Variants in DNAH11 observed in about 807,000 individuals in gnomAD.
DNAH11 encodes the protein dynein axonemal heavy chain 11, also known as axonemal beta dynein heavy chain 11.
In DNAH11, 442 loss-of-function variants were observed where a neutral mutation model predicts 526.0. That is an observed-to-expected ratio of 0.84 (90% CI 0.78 to 0.91). DNAH11 has a LOEUF of 0.91. DNAH11 is among the 40% of genes least tolerant of loss of function. The pLI, the probability that DNAH11 is intolerant of heterozygous loss-of-function variation, is 0.00. For synonymous variants in DNAH11, 2,461 were observed against 1,935.9 expected (o/e 1.27, Z -7.12); for missense variants, 6,989 against 5,448.7 (o/e 1.28, Z -8.90).
At chr7:21,833,942 A>G (rs769654316) in intron 65 of DNAH11, among the ~76,000 whole-genome samples, 11 of 152,178 alleles carry the variant, frequency 7.2e-5, no homozygotes, top group Non-Finnish European at 1.2e-4. Context: ...AATGGACAGA[A>G]CATCCAGATA....
chr7:21,692,033 A>G (rs1279037673), intron 35 of DNAH11, among the ~76,000 whole-genome samples: 2 of 152,260 alleles, frequency 1.3e-5, no homozygotes, highest in Non-Finnish European at 2.9e-5. Flanking sequence ...ATGTGTTGCT[A>G]TACCTAGTAT....
chr7:21,796,743 C>T (rs1198930290), intron 61 of DNAH11, among the ~76,000 whole-genome samples: 2 of 152,176 alleles, frequency 1.3e-5, no homozygotes, highest in Non-Finnish European at 2.9e-5. Context: ...GCTTGAGTAA[C>T]ATTTTTGCCT....
chr7:21,578,957 T>C (rs1167096713), intron 8 of DNAH11, among the ~76,000 whole-genome samples: 1 of 152,144 alleles, frequency 6.6e-6, no homozygotes, highest in African/African-American at 2.4e-5. Flanking sequence ...AACCTTTGAG[T>C]CATCTGTAAT....
At chr7:21,763,357 G>GAAGAAAGA (rs1787015063) in intron 54 of DNAH11, among the ~76,000 whole-genome samples, 3 of 43,736 alleles carry the variant, frequency 6.9e-5, no homozygotes, top group Non-Finnish European at 5.1e-5. Context: ...AAAAAAAAAA[G>GAAGAAAGA]AAAAAAAAAA....
intron 63 of DNAH11, among the ~76,000 whole-genome samples, chr7:21,810,443 A>T (rs1402106491): frequency 6.6e-6 from 1 of 152,166 alleles, no homozygotes; most frequent in African/African-American, 2.4e-5. Flanking sequence ...AAATTGAAGC[A>T]CTCACACCTG....
Position 21,710,552 on chromosome 7 carries a change from G to A in DNAH11, c.6684-1G>A, listed in dbSNP as rs922866722. 6.9e-6 allele frequency: 11 copies of A among 1,603,486 alleles called. No individual in the cohort carries two copies. Among genetic ancestry groups the A allele is most frequent in the Non-Finnish European group, 8.5e-6 (10 of 1,172,940 alleles). ...CAGCACTCAACTACATTATATATTA[G>A]GATTGTTTACTCTTATTTTATAGGT... On this transcript the variant is annotated splice_acceptor_variant, in intron 40 of 81. Transcript: ENST00000409508. LOFTEE classifies it high-confidence loss of function.
intron 63 of DNAH11, among the ~76,000 whole-genome samples, chr7:21,815,442 T>A (rs532535310): frequency 4.9e-4 from 75 of 152,304 alleles, no homozygotes; most frequent in Non-Finnish European, 1.0e-3. Context: ...TGTGCTACTT[T>A]TCCTATATTC....
At chr7:21,896,687 C>T (rs527259916) in intron 79 of DNAH11, among the ~76,000 whole-genome samples, 7 of 152,238 alleles carry the variant, frequency 4.6e-5, no homozygotes, top group African/African-American at 9.6e-5. Flanking sequence ...GTGTGTCTTT[C>T]GGCTGTATAC....
At chr7:21,822,097 C>A (rs151082712) in intron 65 of DNAH11, among the ~76,000 whole-genome samples, 7 of 152,066 alleles carry the variant, frequency 4.6e-5, no homozygotes, top group African/African-American at 1.4e-4. Flanking sequence ...ATTTCTTTAC[C>A]CATTTGTATT....
chr7:21,776,432 G>C (rs1273157082), intron 56 of DNAH11, among the ~76,000 whole-genome samples: 4 of 152,216 alleles, frequency 2.6e-5, no homozygotes, highest in African/African-American at 4.8e-5. Flanking sequence ...AGATCAGGTT[G>C]TATGGAGAGC....
chr7:21,838,319 A>T (rs1782070919), intron 65 of DNAH11, among the ~76,000 whole-genome samples: 2 of 152,210 alleles, frequency 1.3e-5, no homozygotes, highest in Admixed American at 6.5e-5. Context: ...AGACTGATAA[A>T]AGCCCAAATG....
At chr7:21,566,884 A>G (rs534448019) in intron 6 of DNAH11, among the ~76,000 whole-genome samples, 10 of 152,284 alleles carry the variant, frequency 6.6e-5, no homozygotes, top group Admixed American at 4.6e-4. Context: ...ACATTTTATC[A>G]TGCATACAAT....
chr7:21,741,255 C>T (rs1309714711), intron 48 of DNAH11, among the ~76,000 whole-genome samples: 1 of 152,104 alleles, frequency 6.6e-6, no homozygotes, highest in African/African-American at 2.4e-5. Flanking sequence ...TTTAAGATTT[C>T]TCCATGTCTT....
intron 48 of DNAH11, among the ~76,000 whole-genome samples, chr7:21,741,292 T>C (rs1490630670): frequency 2.0e-5 from 3 of 152,250 alleles, no homozygotes; most frequent in Non-Finnish European, 4.4e-5. Context: ...GCGTCTGTTT[T>C]TATTGCTGAA....
At chr7:21,771,851 CA>C (rs5882824) in intron 55 of DNAH11, among the ~76,000 whole-genome samples, 45,088 of 149,892 alleles carry the variant, frequency 0.3, 8,441 homozygotes, top group Non-Finnish European at 0.42. Flanking sequence ...ACGCCCCCCA[CA>C]AAAAAAAATA....
intron 8 of DNAH11, among the ~76,000 whole-genome samples, chr7:21,572,917 G>A (rs1363955794): frequency 1.3e-5 from 2 of 152,148 alleles, no homozygotes; most frequent in African/African-American, 4.8e-5. Context: ...CCAAAGCCTT[G>A]TAAGATGCCT....
At position 21,704,637 on chromosome 7, in the gene DNAH11, A is replaced by G. The variant is rs889582803; in HGVS notation, c.6468+9A>G. 6.3e-7 allele frequency: 1 copy of G among 1,582,948 alleles called. No homozygotes were observed. The highest frequency in any genetic ancestry group is 8.5e-7 in the Non-Finnish European group (1 of 1,171,242). Reference sequence around the variant, plus strand: ...AGAGCTTCATCCTCAAAGTAAAAGGAGCATTTGCTTTTCATGGCAGCTGTT... The same window carrying G: ...AGAGCTTCATCCTCAAAGTAAAAGGGGCATTTGCTTTTCATGGCAGCTGTT... On this transcript the variant is annotated intron_variant, in intron 38 of 81. Coordinates refer to ENST00000409508, the MANE Select transcript of DNAH11 (RefSeq NM_001277115.2).
At chr7:21,804,356 G>A (rs1304767111) in intron 62 of DNAH11, among the ~76,000 whole-genome samples, 5 of 152,044 alleles carry the variant, frequency 3.3e-5, no homozygotes, top group Non-Finnish European at 5.9e-5. Flanking sequence ...TGATCCACCC[G>A]CCTCAGCCTC....
At position 21,569,127 on chromosome 7, in the gene DNAH11, G is replaced by A. The variant is rs1250033856; in HGVS notation, c.1195-942G>A. 1.3e-5 allele frequency among the ~76,000 whole-genome samples: 2 copies of A among 152,118 alleles called. 1 individual carries two copies. The highest frequency in any genetic ancestry group is 1.3e-4 in the Admixed American group (2 of 15,270). On this transcript the variant is annotated intron_variant, in intron 6 of 81. Coordinates refer to ENST00000409508, the MANE Select transcript of DNAH11 (RefSeq NM_001277115.2). ...CAGAGCCTATATTGCATGTAAAACT[G>A]TTTTCATTAATGGGAAATGAAAGGT...
Sources: allele counts gnomAD v4.1 joint callset (sites outside exome capture counted in the v4.1 genomes callset), GRCh38; gene constraint gnomAD v4.1.1; transcripts MANE v1.5; gene names NCBI Gene and HGNC (gene_info 2026-07-23, HGNC 2026-07-21).